OGFOD2: variants seen among roughly 807,000 people sequenced by gnomAD.
The protein encoded by OGFOD2 is 2-oxoglutarate and iron dependent oxygenase domain containing 2, also known as 2-oxoglutarate and iron-dependent oxygenase domain-containing protein 2.
A neutral mutation model predicts 31.1 loss-of-function variants in OGFOD2; 34 were observed. The ratio of observed to expected loss-of-function variants is 1.09; its 90% CI spans 0.83 to 1.45. OGFOD2 has a LOEUF of 1.45. OGFOD2 is among the 40% of genes most tolerant of loss of function. The pLI, the probability that OGFOD2 is intolerant of heterozygous loss-of-function variation, is 0.00. For synonymous variants in OGFOD2, 240 were observed against 192.3 expected, an observed-to-expected ratio of 1.25 and a Z score of -2.05; for missense variants, 537 against 433.9, an observed-to-expected ratio of 1.24 and a Z score of -2.11.
At chr12:122,978,607 C>T (rs1273584720) in intron 5 of OGFOD2, 38 bp downstream of exon 5, 11 of 1,604,098 alleles carry the variant, frequency 6.9e-6, no homozygotes, top group Non-Finnish European at 9.4e-6. Flanking sequence ...GAGGGGGTGG[C>T]TGGGGTCAGG....
chr12:122,975,513 C>G (rs945966208), intron 1 of OGFOD2, 130 bp downstream of exon 1: 1 of 593,758 alleles, frequency 1.7e-6, no homozygotes, highest in Non-Finnish European at 3.0e-6. Flanking sequence ...ATGACGGCCT[C>G]TCTCTGCCTC....
chr12:122,976,875 C>T (rs1376769776), exon 4 of OGFOD2: 1 of 1,602,768 alleles, frequency 6.2e-7, no homozygotes, highest in South Asian at 1.1e-5. Flanking sequence ...TCCCAGGATG[C>T]AGCTCTGGCC....
chr12:122,975,419 CAG>C (rs778268583), intron 1 of OGFOD2, 36 bp downstream of exon 1: 6 of 669,554 alleles, frequency 9.0e-6, no homozygotes, highest in South Asian at 7.6e-5. Context: ...GAGCAGTGGG[CAG>C]AGAGGGGTAG....
chr12:122,976,646 C>T lies in OGFOD2; in HGVS notation c.190-8C>T. 1 of 1,578,150 alleles carries T rather than the reference C, an allele frequency of 6.3e-7. No individual in the cohort carries two copies. Among genetic ancestry groups the T allele is most frequent in the Non-Finnish European group, 8.7e-7 (1 of 1,147,404 alleles). On this transcript the variant is annotated splice_region_variant and splice_polypyrimidine_tract_variant and intron_variant, in intron 2 of 6. Transcript: ENST00000228922. ...GCCCCACCTGGTAACAACCCTGTGC[C>T]ACCCCAGCTTGAGCAGGAGGTGGAG...
chr12:122,979,122 G>A (rs764232691), exon 7 of OGFOD2: 6 of 1,603,048 alleles, frequency 3.7e-6, no homozygotes, highest in African/African-American at 1.3e-5. Context: ...GGTGGAGCAC[G>A]TGGTGGGCCA....
intron 4 of OGFOD2, chr12:122,977,201 C>T (rs953963451): frequency 7.1e-6 from 4 of 566,704 alleles, no homozygotes; most frequent in Non-Finnish European, 1.3e-5. Context: ...TTCCTTCGTG[C>T]CCTCATCCAG....
chr12:122,979,641 G>A, exon 7 of OGFOD2: 1 of 463,124 alleles, frequency 2.2e-6, no homozygotes, highest in South Asian at 3.0e-5. Flanking sequence ...GCTCCAGGCA[G>A]AGCCCACAGT....
chr12:122,975,399 C>A lies in OGFOD2; in HGVS notation c.132+16C>A. The A allele has an allele frequency of 1.4e-6, 1 of 694,834 alleles. No individual in the cohort carries two copies. The highest frequency in any genetic ancestry group is 1.5e-5 in the South Asian group (1 of 67,102). 43.0% of individuals were successfully genotyped at this position (694,834 alleles called of 1,614,324 possible). ...CTACGGCCCGGTGAGTGGCCGCTGT[C>A]GTCCCTACGGAGCAGTGGGCAGAGA... On this transcript the variant is annotated intron_variant, in intron 1 of 6. Transcript: ENST00000228922.
upstream of OGFOD2, chr12:122,975,065 C>T (rs141789850): frequency 4.3e-5 from 20 of 469,972 alleles, no homozygotes; most frequent in East Asian, 6.4e-4. Context: ...AACGAGGAGG[C>T]CGCCGGTCCC....
chr12:122,979,970 C>T (rs1430661928), exon 7 of OGFOD2: 4 of 383,772 alleles, frequency 1.0e-5, no homozygotes, highest in Non-Finnish European at 1.8e-5. Context: ...CCTTCGTTTC[C>T]TCATTTAGCA....
chr12:122,978,544 G>T (rs755848904), exon 5 of OGFOD2: 2 of 1,613,298 alleles, frequency 1.2e-6, no homozygotes. Context: ...CCTAAGGGGA[G>T]GCCCAACACC....
upstream of OGFOD2, chr12:122,975,207 C>T: frequency 3.5e-6 from 2 of 566,388 alleles, no homozygotes; most frequent in Non-Finnish European, 6.5e-6. Context: ...GGGGGCGTGC[C>T]CGAAGTCTCT....
rs545233205 is a variant in OGFOD2 at position 122,979,381 on chromosome 12, G to T, written c.*35G>T. 1.9e-6 allele frequency: 3 copies of T among 1,568,386 alleles called. No individual in the cohort carries two copies. The South Asian group carries it at 3.4e-5, about 18-fold the overall frequency. ...GGCCCAGTGTGGGGGTGGCAGGCAG[G>T]TGAGGGCTCCGTTGCCTTGGTCTGG... is the stretch of plus-strand genomic sequence containing the variant. On this transcript the variant is annotated 3_prime_UTR_variant, in exon 7 of 7. Transcript: ENST00000228922.
intron 2 of OGFOD2, chr12:122,976,264 G>T: frequency 6.2e-6 from 6 of 968,766 alleles, no homozygotes; most frequent in Non-Finnish European, 9.7e-6. Flanking sequence ...CTGCTGCCAG[G>T]GCTGCTGCCC....
At chr12:122,976,114 G>A in intron 2 of OGFOD2, 1 of 594,358 alleles carries the variant, frequency 1.7e-6, no homozygotes. Flanking sequence ...ATAAGCACAA[G>A]CACCACTCTC....
At position 122,975,303 on chromosome 12, in the gene OGFOD2, A is replaced by G. The variant is rs532536917; in HGVS notation, c.52A>G (p.Thr18Ala). 172 of 701,994 alleles carry G rather than the reference A, an allele frequency of 2.5e-4. 5 individuals carry two copies. Among genetic ancestry groups the G allele is most frequent in the South Asian group, 2.3e-3 (153 of 67,566 alleles). The allele number at this position is 701,994 out of a possible 1,614,324, so 43.5% of individuals were successfully genotyped here. ...CTTCTGCCGCTGCGCCTGCTTCTGC[A>G]CCGATAACTTGTACGTGGCGCGCTA... The change falls in exon 1 of 7, where the codon ACC (threonine) becomes GCC (alanine). Residue 18 changes from threonine to alanine, a missense_variant. Coordinates refer to ENST00000228922, the Ensembl canonical transcript of OGFOD2.
In OGFOD2 at chr12:122,976,833, GTGCTGCCTGCCCCACAGCTGGTGTGT is replaced by G; in HGVS notation, c.304-36_304-11del. On this transcript the variant is annotated splice_polypyrimidine_tract_variant and intron_variant, in intron 3 of 6. Transcript: ENST00000228922. ...GAGGAGGTAGCATCCAGGGCTGGGG[GTGCTGCCTGCCCCACAGCTGGTGTGT>G]TTTGCTCCCAGGATGCAGCTCTGGC... The G allele has an allele frequency of 6.3e-7, 1 of 1,595,580 alleles. No individual in the cohort carries two copies. Among genetic ancestry groups the G allele is most frequent in the Non-Finnish European group, 8.6e-7 (1 of 1,167,220 alleles).
rs1294905886 is a variant in OGFOD2 at position 122,978,957 on chromosome 12, G to A, written c.736G>A (p.Ala246Thr). 1.9e-6 allele frequency: 3 copies of A among 1,613,306 alleles called. No individual in the cohort carries two copies. In the South Asian group the frequency reaches 3.3e-5, roughly 18 times the overall value. The stretch of plus-strand genomic sequence containing the variant: ...TAATGCCGAGCTCACCCTCAATGTG[G>A]CCTTGGGCAAGGTCTTCACAGGGGG... Residue 246 changes from alanine (A) to threonine (T), a missense_variant, in exon 6 of 7, where the codon GCC becomes ACC. Coordinates refer to ENST00000228922, the Ensembl canonical transcript of OGFOD2.
exon 6 of OGFOD2, chr12:122,978,818 G>A (rs776236660): frequency 1.2e-5 from 19 of 1,612,414 alleles, no homozygotes; most frequent in Non-Finnish European, 1.4e-5. Flanking sequence ...GCTTCCTGCA[G>A]CCGCTGATGG....
Sources: allele counts gnomAD v4.1 joint callset, GRCh38; gene constraint gnomAD v4.1.1; transcripts MANE v1.5; gene names NCBI Gene and HGNC (gene_info 2026-07-23, HGNC 2026-07-21).